ZNF483: variants seen among roughly 807,000 people sequenced by gnomAD.
The protein encoded by ZNF483 is zinc finger protein HIT-10.
Under a neutral mutation model 28.6 loss-of-function variants are expected in ZNF483, and 9 were observed. The ratio of observed to expected loss-of-function variants is 0.32; its 90% CI spans 0.19 to 0.55. The LOEUF (loss-of-function observed/expected upper bound fraction) is 0.55. Among genes scored for constraint, ZNF483 ranks in the 20% least tolerant of loss-of-function variants. The pLI is 0.93. For missense variants in ZNF483, 675 were observed against 871.7 expected (o/e 0.77, Z 2.84); for synonymous variants, 322 against 306.2 (o/e 1.05, Z -0.54).
In ZNF483 at chr9:111,551,175, C is replaced by G. The variant is rs1827931340; in HGVS notation, c.*8005C>G. ...CCATAATATTATTTCATCATGTAAT[C>G]AATGTAAAAAAGTATTGAGACATTT... is the stretch of plus-strand genomic sequence containing the variant. On this transcript the variant is annotated 3_prime_UTR_variant, in exon 6 of 6. Coordinates refer to ENST00000309235, the MANE Select transcript of ZNF483 (RefSeq NM_133464.5). 6.6e-6 allele frequency among the ~76,000 whole-genome samples: 1 copy of G among 152,050 alleles called. No individual in the cohort carries two copies. Among genetic ancestry groups the G allele is most frequent in the African/African-American group, 2.4e-5 (1 of 41,388 alleles).
At chr9:111,529,495 G>A (rs1397975101) in intron 2 of ZNF483, among the ~76,000 whole-genome samples, 1 of 152,154 alleles carries the variant, frequency 6.6e-6, no homozygotes, top group Non-Finnish European at 1.5e-5. Flanking sequence ...AAGGAATCTG[G>A]TGGAGTCAAC....
At chr9:111,573,868 G>A (rs1487217778) in intron 5 of ZNF483, among the ~76,000 whole-genome samples, 1 of 152,178 alleles carries the variant, frequency 6.6e-6, no homozygotes, top group Non-Finnish European at 1.5e-5. Flanking sequence ...TTCAGCATAA[G>A]AGAGTAGGGA....
rs1252559828 is a variant in ZNF483, at chr9:111,542,448, A to G, written c.1513A>G (p.Thr505Ala). 6.2e-7 allele frequency: 1 copy of G among 1,614,212 alleles called. No homozygotes were observed. The highest frequency in any genetic ancestry group is 1.7e-5 in the Admixed American group (1 of 60,022). Residue 505 changes from threonine (T) to alanine (A), a missense_variant, in exon 6 of 6, where the codon ACC becomes GCC. Thr to Ala is a moderately conservative substitution (Grantham distance 58). Coordinates refer to ENST00000309235, the MANE Select transcript of ZNF483 (RefSeq NM_133464.5). This position sits in a 1 kb window ranked among gnomAD's most constrained non-coding sequence, Gnocchi z 6.2. ...FKCDDCGKGF[T>A]LSAHLIKHQR... ...ATGTGATGACTGTGGGAAAGGTTTC[A>G]CCCTAAGTGCTCACCTCATTAAACA...
At chr9:111,566,379 A>C (rs1828562617) in intron 5 of ZNF483, among the ~76,000 whole-genome samples, 1 of 152,192 alleles carries the variant, frequency 6.6e-6, no homozygotes, top group Non-Finnish European at 1.5e-5. Context: ...CCCTGGTGAC[A>C]GCCCAGCCCG....
At chr9:111,561,123 AG>A (rs1828293444) in intron 5 of ZNF483, among the ~76,000 whole-genome samples, 1 of 59,810 alleles carries the variant, frequency 1.7e-5, no homozygotes, top group Non-Finnish European at 3.1e-5. Context: ...AGAGAGAGAG[AG>A]AGAGAGAGAG....
chr9:111,530,129 T>C (rs977016076), intron 2 of ZNF483, among the ~76,000 whole-genome samples: 5 of 152,154 alleles, frequency 3.3e-5, no homozygotes, highest in Admixed American at 1.3e-4. Flanking sequence ...CCCCCCAACC[T>C]GTCAAAGGGG....
At chr9:111,561,106 T>G (rs1388135317) in intron 5 of ZNF483, among the ~76,000 whole-genome samples, 1,732 of 23,106 alleles carry the variant, frequency 0.075, 170 homozygotes, top group Non-Finnish European at 0.094. Context: ...TATATATATA[T>G]ATATAGAGAG....
chr9:111,557,912 G>T (rs1022383886), downstream of ZNF483, among the ~76,000 whole-genome samples: 11 of 152,246 alleles, frequency 7.2e-5, no homozygotes, highest in Admixed American at 6.5e-4. Flanking sequence ...GCTTTGGGAG[G>T]CCAAGGCAGG....
intron 5 of ZNF483, among the ~76,000 whole-genome samples, chr9:111,536,570 G>T (rs1402511397): frequency 1.3e-5 from 2 of 152,004 alleles, no homozygotes; most frequent in Non-Finnish European, 2.9e-5. Flanking sequence ...CAATACCTTG[G>T]TTTATCTTAA....
chr9:111,549,729 A>G lies in ZNF483; in HGVS notation c.*6559A>G. ...AAGTGGACCCTTGCCTTCTAAGGTAATGGTGAATGATACATATTCCCTTCA... is the reference window on the plus strand; with the variant it reads ...AAGTGGACCCTTGCCTTCTAAGGTAGTGGTGAATGATACATATTCCCTTCA... On this transcript the variant is annotated 3_prime_UTR_variant, in exon 6 of 6. Transcript: ENST00000309235. The G allele has an allele frequency of 1.3e-6, 2 of 1,549,226 alleles. No homozygotes were observed. The highest frequency in any genetic ancestry group is 8.7e-7 in the Non-Finnish European group (1 of 1,146,360).
At chr9:111,565,752 T>C (rs1589293393) in intron 5 of ZNF483, among the ~76,000 whole-genome samples, 2 of 152,126 alleles carry the variant, frequency 1.3e-5, no homozygotes, top group East Asian at 3.9e-4. Context: ...CTTGGACTCC[T>C]GGGCTCAAGC....
At chr9:111,572,620 G>A (rs1343230873) in intron 5 of ZNF483, among the ~76,000 whole-genome samples, 1 of 150,964 alleles carries the variant, frequency 6.6e-6, no homozygotes, top group African/African-American at 2.4e-5. Context: ...AGCCAGGTAT[G>A]GTGGCACATG....
chr9:111,565,334 A>G (rs985259915), intron 5 of ZNF483, among the ~76,000 whole-genome samples: 2 of 152,210 alleles, frequency 1.3e-5, no homozygotes, highest in Admixed American at 6.5e-5. Context: ...TCTAGCCTCC[A>G]GAACTGTGAG....
At chr9:111,564,204 T>C in intron 5 of ZNF483, 1 of 1,068,976 alleles carries the variant, frequency 9.4e-7, no homozygotes, top group Non-Finnish European at 1.2e-6. Context: ...CTTAGCACTC[T>C]TCATGGATTT....
downstream of ZNF483, among the ~76,000 whole-genome samples, chr9:111,556,495 C>G (rs1388040329): frequency 6.6e-6 from 1 of 152,266 alleles, no homozygotes; most frequent in Non-Finnish European, 1.5e-5. Flanking sequence ...CTGCAGCAGA[C>G]TTCTGCCTTG....
At chr9:111,525,945 C>T (rs1827176001) in intron 1 of ZNF483, among the ~76,000 whole-genome samples, 1 of 152,158 alleles carries the variant, frequency 6.6e-6, no homozygotes, top group African/African-American at 2.4e-5. Flanking sequence ...AGTCCCGCTC[C>T]GGCTGTATTG....
At chr9:111,571,724 G>C (rs377405195) in intron 5 of ZNF483, among the ~76,000 whole-genome samples, 10 of 151,956 alleles carry the variant, frequency 6.6e-5, no homozygotes, top group African/African-American at 2.4e-4. Flanking sequence ...GCTCTGGTTT[G>C]AAACTCCTGG....
At chr9:111,569,625 C>T (rs777050960) in intron 5 of ZNF483, among the ~76,000 whole-genome samples, 1 of 152,092 alleles carries the variant, frequency 6.6e-6, no homozygotes, top group Non-Finnish European at 1.5e-5. Flanking sequence ...GTTAGCTGGG[C>T]GTGGTGGTAC....
In ZNF483 at chr9:111,561,173, G is replaced by GAGAGAGAA. The variant is rs1564608220; in HGVS notation, c.722-15187_722-15186insGAAAGAGA. Among the ~76,000 whole-genome samples the GAGAGAGAA allele has an allele frequency of 2.6e-4, 31 of 120,738 alleles. 1 individual carries two copies. Among genetic ancestry groups the GAGAGAGAA allele is most frequent in the East Asian group, 1.2e-3 (3 of 2,540 alleles). 79.2% of individuals were successfully genotyped at this position (120,738 alleles called of 152,430 possible). On this transcript the variant is annotated intron_variant, in intron 5 of 5. Coordinates refer to the ZNF483 transcript ENST00000358151. ...GGAGAGAGAGAGAGAGAGAGAGAGAGAGAGAAAGAGAGAGAGATTCTTCCT... is the reference window on the plus strand; with the variant it reads ...GGAGAGAGAGAGAGAGAGAGAGAGAGAGAGAGAAAGAGAAAGAGAGAGAGATTCTTCCT...
Sources: gnomAD v4.1 joint callset for allele counts (sites outside exome capture counted in the v4.1 genomes callset) on GRCh38, gnomAD v4.1.1 for gene constraint, Gnocchi (gnomAD v3.1) non-coding constraint, MANE v1.5 for transcripts, NCBI Gene and HGNC (gene_info 2026-07-23, HGNC 2026-07-21) for gene names.